GNA14: variants seen among roughly 807,000 people sequenced by gnomAD.
The protein encoded by GNA14 is guanine nucleotide-binding protein subunit alpha-14.
GNA14 carries 50 observed loss-of-function variants against 42.0 expected under a neutral mutation model. The observed-to-expected ratio is 1.19, with a 90% CI of 0.95 to 1.51. The LOEUF (loss-of-function observed/expected upper bound fraction) is 1.51. GNA14 is among the 40% of genes most tolerant of loss of function. The pLI, the probability that GNA14 is intolerant of heterozygous loss-of-function variation, is 0.00. For missense variants in GNA14, 473 were observed against 446.2 expected (o/e 1.06, Z -0.54); for synonymous variants, 173 against 163.1 (o/e 1.06, Z -0.46).
intron 1 of GNA14, among the ~76,000 whole-genome samples, chr9:77,551,497 G>A (rs1464184241): frequency 1.4e-5 from 2 of 144,822 alleles, no homozygotes; most frequent in African/African-American, 4.9e-5. Context: ...TCATATACAT[G>A]CGCAGACACT....
intron 1 of GNA14, among the ~76,000 whole-genome samples, chr9:77,611,095 A>G (rs964434123): frequency 1.3e-5 from 2 of 152,184 alleles, no homozygotes; most frequent in African/African-American, 2.4e-5. Context: ...TTTGTTTTAC[A>G]TTACCCTATT....
At chr9:77,625,154 T>C (rs1310594856) in intron 1 of GNA14, among the ~76,000 whole-genome samples, 1 of 151,490 alleles carries the variant, frequency 6.6e-6, no homozygotes, top group Admixed American at 6.6e-5. Flanking sequence ...AGAAAGGGTA[T>C]CAGAGATTGA....
intron 1 of GNA14, among the ~76,000 whole-genome samples, chr9:77,588,112 G>C (rs1823333432): frequency 6.6e-6 from 1 of 151,894 alleles, no homozygotes; most frequent in African/African-American, 2.4e-5. Flanking sequence ...GTATTACATT[G>C]GTTCTACCTG....
chr9:77,517,522 C>T (rs147254806), intron 2 of GNA14: 1 of 148,308 alleles, frequency 6.7e-6, no homozygotes, highest in Non-Finnish European at 1.5e-5. Flanking sequence ...TTGGAGGACA[C>T]AGGTTCTTCA....
chr9:77,489,722 C>T (rs966048437), intron 2 of GNA14, among the ~76,000 whole-genome samples: 2 of 151,812 alleles, frequency 1.3e-5, no homozygotes, highest in African/African-American at 2.4e-5. Flanking sequence ...CTTAAGGCAG[C>T]GCGTCTGGAG....
intron 1 of GNA14, among the ~76,000 whole-genome samples, chr9:77,601,122 G>A (rs1823555562): frequency 6.6e-6 from 1 of 152,244 alleles, no homozygotes; most frequent in Admixed American, 6.5e-5. Context: ...TATTCAATCT[G>A]TGAGGTGGGA....
intron 1 of GNA14, among the ~76,000 whole-genome samples, chr9:77,585,404 G>C (rs890101458): frequency 6.6e-6 from 1 of 152,040 alleles, no homozygotes; most frequent in Non-Finnish European, 1.5e-5. Flanking sequence ...TCTCCCTCTC[G>C]GTACCAGGAA....
At chr9:77,637,558 T>A (rs1824202062) in intron 1 of GNA14, among the ~76,000 whole-genome samples, 1 of 152,240 alleles carries the variant, frequency 6.6e-6, no homozygotes, top group Admixed American at 6.5e-5. Context: ...TTATCTATTC[T>A]ATTGTTAAAG....
chr9:77,473,915 T>C (rs1034395979), intron 2 of GNA14, among the ~76,000 whole-genome samples: 4 of 152,156 alleles, frequency 2.6e-5, no homozygotes, highest in East Asian at 1.9e-4. Context: ...TGGGAAAAGA[T>C]TGTTCCATTG....
At chr9:77,538,487 T>C (rs1587822776) in intron 1 of GNA14, among the ~76,000 whole-genome samples, 1 of 152,204 alleles carries the variant, frequency 6.6e-6, no homozygotes, top group African/African-American at 2.4e-5. Flanking sequence ...GGTATTCTGA[T>C]AAGGATTGCA....
chr9:77,551,498 C>T (rs903045724), intron 1 of GNA14, among the ~76,000 whole-genome samples: 6 of 143,034 alleles, frequency 4.2e-5, no homozygotes, highest in East Asian at 2.2e-4. Context: ...CATATACATG[C>T]GCAGACACTC....
In GNA14 at chr9:77,648,036, C is replaced by T; in HGVS notation, c.-243G>A. 1 of 521,030 alleles carries T rather than the reference C, an allele frequency of 1.9e-6. No individual in the cohort carries two copies. Among genetic ancestry groups the T allele is most frequent in the Non-Finnish European group, 3.3e-6 (1 of 298,848 alleles). The allele number at this position is 521,030 out of a possible 1,614,324, so 32.3% of individuals were successfully genotyped here. Reference sequence around the variant, plus strand: ...CTCGAGTGCACCCCGGATCCGGGCTCAGCCCGCCCCACTCTCGCTCTGGGG... The same window carrying T: ...CTCGAGTGCACCCCGGATCCGGGCTTAGCCCGCCCCACTCTCGCTCTGGGG... On this transcript the variant is annotated 5_prime_UTR_variant, in exon 1 of 7. Coordinates refer to ENST00000341700, the MANE Select transcript of GNA14 (RefSeq NM_004297.4).
At position 77,470,665 on chromosome 9, in the gene GNA14, T is replaced by C. The variant is rs539032301; in HGVS notation, c.310-36143A>G. ...AAAGGTTTCAAAGAGAAGGTCACTG[T>C]TCTCACATAACTATGAAGAACTACA... On this transcript the variant is annotated intron_variant, in intron 2 of 6. Coordinates refer to ENST00000341700, the MANE Select transcript of GNA14 (RefSeq NM_004297.4). Among the ~76,000 whole-genome samples, 38 of 152,336 alleles carry C rather than the reference T, an allele frequency of 2.5e-4. No individual in the cohort carries two copies. In the South Asian group the frequency reaches 2.9e-3, roughly 12 times the overall value.
intron 2 of GNA14, among the ~76,000 whole-genome samples, chr9:77,482,063 C>T (rs541365315): frequency 1.1e-3 from 173 of 152,038 alleles, no homozygotes; most frequent in Middle Eastern, 6.8e-3. Context: ...AAAGTTAATA[C>T]TGTTATGTGT....
chr9:77,467,671 G>C (rs1836261002), intron 2 of GNA14, among the ~76,000 whole-genome samples: 1 of 124,516 alleles, frequency 8.0e-6, no homozygotes, highest in Non-Finnish European at 1.7e-5. Context: ...TTTTTTTTAA[G>C]ACTAGTCAAG....
chr9:77,607,506 C>T (rs1823659684), intron 1 of GNA14, among the ~76,000 whole-genome samples: 1 of 152,164 alleles, frequency 6.6e-6, no homozygotes, highest in Non-Finnish European at 1.5e-5. Flanking sequence ...AGATAACCTT[C>T]ATCTGCATCT....
chr9:77,523,110 T>C (rs993223108), intron 2 of GNA14, among the ~76,000 whole-genome samples: 1 of 152,190 alleles, frequency 6.6e-6, no homozygotes, highest in Non-Finnish European at 1.5e-5. Context: ...CCTTCTAAAT[T>C]AGATACTTGG....
At chr9:77,519,177 G>A (rs992570212) in intron 2 of GNA14, among the ~76,000 whole-genome samples, 3 of 152,188 alleles carry the variant, frequency 2.0e-5, no homozygotes, top group African/African-American at 7.2e-5. Flanking sequence ...ATGGGAGGCC[G>A]AGGCGGGTGG....
intron 2 of GNA14, among the ~76,000 whole-genome samples, chr9:77,524,911 T>C (rs1837411271): frequency 1.3e-5 from 2 of 152,126 alleles, no homozygotes; most frequent in Non-Finnish European, 2.9e-5. Flanking sequence ...GCTTATGAAG[T>C]AGACAGAGCA....
Sources: allele counts gnomAD v4.1 joint callset (sites outside exome capture counted in the v4.1 genomes callset), GRCh38; gene constraint gnomAD v4.1.1; transcripts MANE v1.5; gene names NCBI Gene and HGNC (gene_info 2026-07-23, HGNC 2026-07-21).